Variants in XPNPEP3 observed in about 807,000 individuals in gnomAD.
XPNPEP3 encodes X-prolyl aminopeptidase 3.
XPNPEP3 carries 41 observed loss-of-function variants against 60.0 expected under a neutral mutation model. The observed-to-expected ratio is 0.68, with a 90% confidence interval of 0.53 to 0.89. XPNPEP3 has a LOEUF of 0.89. Ranked by LOEUF, XPNPEP3 falls within the 40% of genes least tolerant of loss-of-function variation. The pLI is 0.00. For synonymous variants in XPNPEP3, 212 were observed against 223.2 expected, an observed-to-expected ratio of 0.95 and a Z score of 0.45; for missense variants, 598 against 638.9, an observed-to-expected ratio of 0.94 and a Z score of 0.69.
intron 2 of XPNPEP3, among the ~76,000 whole-genome samples, chr22:40,872,453 C>CTTT (rs547007897): frequency 6.9e-6 from 1 of 144,022 alleles, no homozygotes. Flanking sequence ...TGTGAGTCTA[C>CTTT]TTTTTTTTTT....
chr22:40,905,665 A>G (rs2058151929), intron 4 of XPNPEP3, among the ~76,000 whole-genome samples: 1 of 152,188 alleles, frequency 6.6e-6, no homozygotes, highest in African/African-American at 2.4e-5. Flanking sequence ...TGAGGAGGAA[A>G]CATTTGAGGA....
chr22:40,901,219 C>A (rs951165086), intron 4 of XPNPEP3, among the ~76,000 whole-genome samples: 2 of 145,824 alleles, frequency 1.4e-5, no homozygotes, highest in African/African-American at 2.5e-5. Context: ...GTTCTAGTAT[C>A]TAGAATATTT....
Position 40,879,918 on chromosome 22 carries a change from T to C in XPNPEP3, c.182-1852T>C, listed in dbSNP as rs183787638. On this transcript the variant is annotated intron_variant, in intron 2 of 9. Coordinates refer to ENST00000357137, the MANE Select transcript of XPNPEP3 (RefSeq NM_022098.4). ...GGCTCACGCCTGTAATCCCAGCTAT[T>C]TGGGTGGCTGAGGCACAAGAATCAC... is the stretch of plus-strand genomic sequence containing the variant. 3.8e-3 allele frequency among the ~76,000 whole-genome samples: 574 copies of C among 151,646 alleles called. 3 individuals carry two copies. Among genetic ancestry groups the C allele is most frequent in the Non-Finnish European group, 5.8e-3 (394 of 67,898 alleles).
rs2058247355 is a variant in XPNPEP3 at position 40,929,512 on chromosome 22, C to G, written c.*3077C>G. 1 of 152,090 alleles carries G rather than the reference C, an allele frequency of 6.6e-6. No individual in the cohort carries two copies. The highest frequency in any genetic ancestry group is 1.5e-5 in the Non-Finnish European group (1 of 68,004). 9.4% of individuals were successfully genotyped at this position (152,090 alleles called of 1,614,324 possible). A position where few individuals can be genotyped will look rare whatever the true frequency, so the allele number is the denominator to read the frequency against. On this transcript the variant is annotated 3_prime_UTR_variant, in exon 10 of 10. Coordinates refer to ENST00000357137, the MANE Select transcript of XPNPEP3 (RefSeq NM_022098.4). ...CCTGTATCATTTTCTATGGTCTAAA[C>G]TTTTCTAGCTAAAAGCCTAGGTAGC...
chr22:40,874,065 A>G (rs1464105721), intron 2 of XPNPEP3, among the ~76,000 whole-genome samples: 1 of 152,168 alleles, frequency 6.6e-6, no homozygotes, highest in Non-Finnish European at 1.5e-5. Flanking sequence ...CTAAAAGACA[A>G]AGCTTATTTT....
At chr22:40,875,753 C>T (rs1184354051) in intron 2 of XPNPEP3, among the ~76,000 whole-genome samples, 7 of 151,750 alleles carry the variant, frequency 4.6e-5, no homozygotes, top group Admixed American at 4.6e-4. Context: ...GTGTCTCACA[C>T]CTATAATCCC....
chr22:40,918,713 G>A (rs1180435458), intron 7 of XPNPEP3, among the ~76,000 whole-genome samples: 1 of 151,254 alleles, frequency 6.6e-6, no homozygotes, highest in Non-Finnish European at 1.5e-5. Context: ...AGGGATATTT[G>A]TTGGTAAGAT....
chr22:40,862,222 G>T (rs1569012930), intron 1 of XPNPEP3: 1 of 1,310,756 alleles, frequency 7.6e-7, no homozygotes, highest in Admixed American at 3.8e-5. Context: ...TCTGGGGTCA[G>T]TGTAGGGACT....
intron 1 of XPNPEP3, among the ~76,000 whole-genome samples, chr22:40,866,251 A>G (rs893802583): frequency 1.3e-5 from 2 of 152,136 alleles, no homozygotes; most frequent in Admixed American, 6.6e-5. Flanking sequence ...TCAAATAACA[A>G]GTGATCTCTG....
chr22:40,857,293 A>T (rs184210356), intron 1 of XPNPEP3, 48 bp downstream of exon 1: 2 of 1,607,452 alleles, frequency 1.2e-6, no homozygotes, highest in Admixed American at 1.7e-5. Context: ...CCCTGGAGGG[A>T]CCCAAGTTGG....
At chr22:40,923,495 A>C (rs1245747577) in intron 8 of XPNPEP3, among the ~76,000 whole-genome samples, 1 of 152,100 alleles carries the variant, frequency 6.6e-6, no homozygotes, top group Non-Finnish European at 1.5e-5. Flanking sequence ...TTCTGTTATC[A>C]GTAAAAATGA....
intron 2 of XPNPEP3, among the ~76,000 whole-genome samples, chr22:40,871,492 G>T (rs951465576): frequency 6.6e-6 from 1 of 152,050 alleles, no homozygotes; most frequent in African/African-American, 2.4e-5. Context: ...TAATACTTTT[G>T]GGAAACATCT....
At chr22:40,868,337 A>G (rs933801041) in intron 1 of XPNPEP3, among the ~76,000 whole-genome samples, 1 of 151,986 alleles carries the variant, frequency 6.6e-6, no homozygotes, top group Non-Finnish European at 1.5e-5. Flanking sequence ...TACCCTTTCA[A>G]ACTGCCTCTG....
At chr22:40,870,651 T>G (rs1162986832) in intron 2 of XPNPEP3, among the ~76,000 whole-genome samples, 1 of 152,196 alleles carries the variant, frequency 6.6e-6, no homozygotes, top group Non-Finnish European at 1.5e-5. Flanking sequence ...TCATTTGTGT[T>G]TCTCCTTCCA....
At chr22:40,926,244 G>A (rs202058377) in intron 9 of XPNPEP3, 25 bp from the exon 10 acceptor site, 2 of 1,613,924 alleles carry the variant, frequency 1.2e-6, no homozygotes, top group Non-Finnish European at 1.7e-6. Flanking sequence ...TTCCTGAACA[G>A]CATGTTCTTC....
At chr22:40,906,073 G>C (rs2058154137) in intron 4 of XPNPEP3, among the ~76,000 whole-genome samples, 1 of 151,948 alleles carries the variant, frequency 6.6e-6, no homozygotes, top group Non-Finnish European at 1.5e-5. Context: ...TTACAGGCTT[G>C]AGCCAACGCA....
Position 40,928,880 on chromosome 22 carries a change from G to A in XPNPEP3, c.*2445G>A, listed in dbSNP as rs1342345295. The A allele has an allele frequency of 1.3e-5, 2 of 152,190 alleles. No homozygotes were observed. The highest frequency in any genetic ancestry group is 2.9e-5 in the Non-Finnish European group (2 of 68,036). 9.4% of individuals were successfully genotyped at this position (152,190 alleles called of 1,614,324 possible). Reference sequence around the variant, plus strand: ...AGAGACAGATAATGTGAAAACAAAAGTGATACAAATCATATCCTGACAGTG... The same window carrying A: ...AGAGACAGATAATGTGAAAACAAAAATGATACAAATCATATCCTGACAGTG... On this transcript the variant is annotated 3_prime_UTR_variant, in exon 10 of 10. Transcript: ENST00000357137.
At position 40,894,909 on chromosome 22, in the gene XPNPEP3, C is replaced by T. The variant is rs116342566; in HGVS notation, c.792+8394C>T. Among the ~76,000 whole-genome samples the T allele has an allele frequency of 8.5e-3, 1,287 of 152,266 alleles. 19 individuals carry two copies. Among genetic ancestry groups the T allele is most frequent in the African/African-American group, 0.03 (1,247 of 41,556 alleles). On this transcript the variant is annotated intron_variant, in intron 4 of 9. Coordinates refer to ENST00000357137, the MANE Select transcript of XPNPEP3 (RefSeq NM_022098.4). ...CCCACTTGTTAGACCAATTGCAAGTCCATTAGTGACAGCCCAAGAATCAAT... is the reference window on the plus strand; with the variant it reads ...CCCACTTGTTAGACCAATTGCAAGTTCATTAGTGACAGCCCAAGAATCAAT...
intron 7 of XPNPEP3, among the ~76,000 whole-genome samples, chr22:40,916,941 G>C (rs1333246445): frequency 6.6e-6 from 1 of 152,010 alleles, no homozygotes; most frequent in Non-Finnish European, 1.5e-5. Flanking sequence ...AGCCAGGCGT[G>C]GTGGCACATG....
Sources: allele counts gnomAD v4.1 joint callset (sites outside exome capture counted in the v4.1 genomes callset), GRCh38; gene constraint gnomAD v4.1.1; transcripts MANE v1.5; gene names NCBI Gene and HGNC (gene_info 2026-07-23, HGNC 2026-07-21).